The following ADAMTS17 variants were observed in gnomAD, a reference collection of about 807,000 sequenced individuals.
The protein encoded by ADAMTS17 is ADAM metallopeptidase with thrombospondin type 1 motif 17, also known as A disintegrin and metalloproteinase with thrombospondin motifs 17.
A neutral mutation model predicts 141.5 loss-of-function variants in ADAMTS17; 113 were observed. That is an observed-to-expected ratio of 0.80 (90% CI 0.69 to 0.93). ADAMTS17 has a LOEUF of 0.93. Among genes scored for constraint, ADAMTS17 ranks in the 40% least tolerant of loss-of-function variants. The pLI is 0.00. For synonymous variants in ADAMTS17, 768 were observed against 630.6 expected (o/e 1.22, Z -3.27); for missense variants, 1,659 against 1,517.9 (o/e 1.09, Z -1.54).
intron 15 of ADAMTS17, among the ~76,000 whole-genome samples, chr15:100,090,933 G>A (rs755003797): frequency 1.3e-5 from 2 of 150,326 alleles, no homozygotes; most frequent in Non-Finnish European, 2.9e-5. Flanking sequence ...GCTTGAACCC[G>A]GGAGGCGGAG....
rs528570240 is a variant in ADAMTS17, at chr15:99,981,329, A to G, written c.2950-5107T>C. On this transcript the variant is annotated intron_variant, in intron 20 of 21. Coordinates refer to ENST00000268070, the MANE Select transcript of ADAMTS17 (RefSeq NM_139057.4). ...TCAACAGGGACAGGTGTCTGTTCTC[A>G]CTGTTCACTAGTGCCCCCATGAGGC... 6.6e-5 allele frequency among the ~76,000 whole-genome samples: 10 copies of G among 152,306 alleles called. No individual in the cohort carries two copies. The South Asian group carries it at 2.1e-3, about 32-fold the overall frequency.
At chr15:100,160,012 C>T (rs1458814121) in intron 8 of ADAMTS17, among the ~76,000 whole-genome samples, 3 of 152,058 alleles carry the variant, frequency 2.0e-5, no homozygotes, top group Admixed American at 6.6e-5. Flanking sequence ...TGGGTCACTG[C>T]CCCTCAAATA....
At chr15:100,291,044 C>T (rs1169663715) in intron 3 of ADAMTS17, among the ~76,000 whole-genome samples, 2 of 152,096 alleles carry the variant, frequency 1.3e-5, no homozygotes, top group African/African-American at 4.8e-5. Flanking sequence ...AGCAAAAGAA[C>T]CTATCAACAG....
intron 10 of ADAMTS17, among the ~76,000 whole-genome samples, chr15:100,149,137 T>C (rs2039046168): frequency 6.6e-6 from 1 of 152,190 alleles, no homozygotes; most frequent in Non-Finnish European, 1.5e-5. Flanking sequence ...AACACAGTCC[T>C]ACAAAAGCAG....
In ADAMTS17 at chr15:100,015,862, C is replaced by T. The variant is rs138380826; in HGVS notation, c.2592-18273G>A. Among the ~76,000 whole-genome samples, 10 of 152,240 alleles carry T rather than the reference C, an allele frequency of 6.6e-5. No homozygotes were observed. The East Asian group carries it at 9.6e-4, about 15-fold the overall frequency. ...ATGTGCCTAAGTGATGATCTTTTTGCGATGCATTTCCCACGTGTTCCTTGT... is the reference window on the plus strand; with the variant it reads ...ATGTGCCTAAGTGATGATCTTTTTGTGATGCATTTCCCACGTGTTCCTTGT... On this transcript the variant is annotated intron_variant, in intron 18 of 21. Coordinates refer to ENST00000268070, the MANE Select transcript of ADAMTS17 (RefSeq NM_139057.4).
At chr15:100,262,474 A>T in intron 4 of ADAMTS17, 39 bp from the exon 5 acceptor site, 1 of 1,529,346 alleles carries the variant, frequency 6.5e-7, no homozygotes, top group Non-Finnish European at 9.0e-7. Flanking sequence ...TATAAAGATA[A>T]AAAATTTTAA....
At chr15:100,211,584 AAG>A (rs1191412079) in intron 7 of ADAMTS17, among the ~76,000 whole-genome samples, 3 of 152,232 alleles carry the variant, frequency 2.0e-5, no homozygotes, top group Non-Finnish European at 4.4e-5. Context: ...TTTTTAAAAC[AAG>A]AAACAGGAAG....
intron 2 of ADAMTS17, among the ~76,000 whole-genome samples, chr15:100,337,704 C>A (rs1473698071): frequency 6.6e-6 from 1 of 152,252 alleles, no homozygotes; most frequent in African/African-American, 2.4e-5. Context: ...CACTGCTTGG[C>A]AGACCAAACC....
chr15:100,196,317 A>C (rs962981690), intron 8 of ADAMTS17, among the ~76,000 whole-genome samples: 2 of 152,258 alleles, frequency 1.3e-5, no homozygotes, highest in Non-Finnish European at 2.9e-5. Flanking sequence ...TAATTGCTGA[A>C]AATAAGCCCT....
chr15:99,985,654 T>C (rs1050741964), intron 20 of ADAMTS17, among the ~76,000 whole-genome samples: 2 of 152,204 alleles, frequency 1.3e-5, no homozygotes, highest in Admixed American at 6.5e-5. Flanking sequence ...TGACATGATC[T>C]TGCACTTGAA....
intron 18 of ADAMTS17, among the ~76,000 whole-genome samples, chr15:100,011,317 AGGGATG>A (rs2061167880): frequency 7.3e-6 from 1 of 136,336 alleles, no homozygotes. Flanking sequence ...GAAGGAAAGG[AGGGATG>A]GGAGGGAGGG....
At chr15:100,110,886 G>A (rs1201341193) in intron 13 of ADAMTS17, among the ~76,000 whole-genome samples, 1 of 152,168 alleles carries the variant, frequency 6.6e-6, no homozygotes, top group African/African-American at 2.4e-5. Context: ...CAGACGTGCT[G>A]TCTCGTGACT....
At chr15:100,002,960 G>A (rs955980135) in intron 18 of ADAMTS17, among the ~76,000 whole-genome samples, 9 of 152,008 alleles carry the variant, frequency 5.9e-5, no homozygotes, top group African/African-American at 1.7e-4. Flanking sequence ...CACGGGTGCC[G>A]CCCTGCTCCT....
chr15:100,041,286 C>T (rs1422575669), intron 18 of ADAMTS17, among the ~76,000 whole-genome samples: 1 of 152,322 alleles, frequency 6.6e-6, no homozygotes, highest in African/African-American at 2.4e-5. Context: ...ATGTACAGTA[C>T]AGCATGTACT....
At chr15:100,315,527 C>T (rs1731836781) in intron 3 of ADAMTS17, among the ~76,000 whole-genome samples, 1 of 152,254 alleles carries the variant, frequency 6.6e-6, no homozygotes, top group Admixed American at 6.5e-5. Flanking sequence ...GATAAGAGGG[C>T]ACGTTACAAG....
In ADAMTS17 at chr15:100,069,924, C is replaced by T. The variant is rs569842902; in HGVS notation, c.2138-15870G>A. On this transcript the variant is annotated intron_variant, in intron 15 of 21. Coordinates refer to ENST00000268070, the MANE Select transcript of ADAMTS17 (RefSeq NM_139057.4). ...ACCTTAAATGTAAATGGGCTAAATG[C>T]TCCAATTAAAAGACACAGACTAGCA... 4.0e-4 allele frequency among the ~76,000 whole-genome samples: 60 copies of T among 150,210 alleles called. 2 individuals carry two copies. Among genetic ancestry groups the T allele is most frequent in the Non-Finnish European group, 7.1e-4 (48 of 67,508 alleles).
At chr15:100,083,234 T>C (rs944208981) in intron 15 of ADAMTS17, among the ~76,000 whole-genome samples, 17 of 152,206 alleles carry the variant, frequency 1.1e-4, no homozygotes, top group African/African-American at 4.1e-4. Context: ...ATAAAGTCTC[T>C]GCCAGCCTAG....
intron 8 of ADAMTS17, among the ~76,000 whole-genome samples, chr15:100,162,008 T>G (rs995871585): frequency 6.6e-6 from 1 of 152,316 alleles, no homozygotes; most frequent in African/African-American, 2.4e-5. Flanking sequence ...CAAATGCACA[T>G]AGTACCATGT....
chr15:100,109,236 G>T, intron 13 of ADAMTS17, 120 bp from the exon 14 acceptor site: 2 of 962,068 alleles, frequency 2.1e-6, no homozygotes, highest in Non-Finnish European at 2.9e-6. Context: ...GGTCAGTAAA[G>T]GTGCATGAGC....
Sources: gnomAD v4.1 joint callset for allele counts (sites outside exome capture counted in the v4.1 genomes callset) on GRCh38, gnomAD v4.1.1 for gene constraint, MANE v1.5 for transcripts, NCBI Gene and HGNC (gene_info 2026-07-23, HGNC 2026-07-21) for gene names.